Variants in RFX7 observed in about 807,000 individuals in gnomAD.
RFX7 encodes DNA-binding protein RFX7.
Under a neutral mutation model 111.8 loss-of-function variants are expected in RFX7, and 26 were observed. The ratio of observed to expected loss-of-function variants is 0.23; its 90% confidence interval spans 0.17 to 0.32. RFX7 has a LOEUF of 0.32. Among genes scored for constraint, RFX7 ranks in the 10% least tolerant of loss-of-function variants. The probability of loss-of-function intolerance (pLI) is 1.00; values close to 1 mark genes in which losing one functional copy is unlikely to be tolerated. For synonymous variants in RFX7, 624 were observed against 624.4 expected (o/e 1.00, Z 0.01); for missense variants, 1,573 against 1,772.9 (o/e 0.89, Z 2.02).
intron 3 of RFX7, among the ~76,000 whole-genome samples, chr15:56,175,955 C>T (rs891560943): frequency 1.3e-5 from 2 of 152,084 alleles, no homozygotes; most frequent in Non-Finnish European, 1.5e-5. Flanking sequence ...GACTACTGAA[C>T]TTTAGGTAGT....
intron 6 of RFX7, among the ~76,000 whole-genome samples, chr15:56,102,966 A>G (rs2041777517): frequency 6.6e-6 from 1 of 152,116 alleles, no homozygotes; most frequent in African/African-American, 2.4e-5. Context: ...AACTATAATG[A>G]ATTCTTAATT....
intron 5 of RFX7, among the ~76,000 whole-genome samples, chr15:56,128,112 T>C (rs539951441): frequency 2.8e-4 from 43 of 152,170 alleles, no homozygotes; most frequent in African/African-American, 8.7e-4. Flanking sequence ...GTAACAGAGA[T>C]TGAATTAGTA....
At chr15:56,241,584 G>A (rs2043689778) in intron 2 of RFX7, among the ~76,000 whole-genome samples, 1 of 152,090 alleles carries the variant, frequency 6.6e-6, no homozygotes, top group Middle Eastern at 3.2e-3. Context: ...GTTACTAGAG[G>A]TTAAAAACAC....
chr15:56,183,791 G>A (rs1341132905), intron 2 of RFX7, among the ~76,000 whole-genome samples: 6 of 151,988 alleles, frequency 3.9e-5, no homozygotes, highest in Admixed American at 3.9e-4. Flanking sequence ...CTGTATTAAT[G>A]TTATAGGTTG....
At chr15:56,112,346 T>C (rs1595934576) in intron 5 of RFX7, among the ~76,000 whole-genome samples, 1 of 135,188 alleles carries the variant, frequency 7.4e-6, no homozygotes, top group African/African-American at 2.8e-5. Context: ...CAGAATTTAT[T>C]TGGAACAGAA....
intron 2 of RFX7, among the ~76,000 whole-genome samples, chr15:56,181,655 T>C (rs140402628): frequency 6.6e-6 from 1 of 152,326 alleles, no homozygotes; most frequent in African/African-American, 2.4e-5. Context: ...TTATATAAAT[T>C]AGTATGAAAA....
intron 2 of RFX7, among the ~76,000 whole-genome samples, chr15:56,198,472 T>C (rs1264508619): frequency 6.6e-6 from 1 of 152,116 alleles, no homozygotes; most frequent in Admixed American, 6.5e-5. Context: ...TGCTGAAATA[T>C]TGAAACATAT....
chr15:56,225,147 A>G (rs963238173), intron 2 of RFX7, among the ~76,000 whole-genome samples: 8 of 152,310 alleles, frequency 5.3e-5, no homozygotes, highest in African/African-American at 1.2e-4. Context: ...CTGTAGTCCA[A>G]AACAGCCAAA....
Position 56,214,362 on chromosome 15 carries a change from G to A in RFX7, c.161+28763C>T, listed in dbSNP as rs536000812. Among the ~76,000 whole-genome samples the A allele has an allele frequency of 9.9e-4, 150 of 152,140 alleles. 4 individuals are homozygous for A. The highest frequency in any genetic ancestry group is 5.0e-3 in the South Asian group (24 of 4,816). Reference sequence around the variant, plus strand: ...TGCGATATTTATTTCAATGAACATGGAACATGTCTCCATTTATTTATGCCT... The same window carrying A: ...TGCGATATTTATTTCAATGAACATGAAACATGTCTCCATTTATTTATGCCT... On this transcript the variant is annotated intron_variant, in intron 2 of 9. Coordinates refer to ENST00000559447, the MANE Select transcript of RFX7 (RefSeq NM_022841.7).
chr15:56,114,017 T>A (rs2041972856), intron 5 of RFX7, among the ~76,000 whole-genome samples: 1 of 152,166 alleles, frequency 6.6e-6, no homozygotes, highest in South Asian at 2.1e-4. Flanking sequence ...GTGGAAAAGT[T>A]GTTGTAATCC....
intron 2 of RFX7, among the ~76,000 whole-genome samples, chr15:56,239,998 T>A (rs1324737049): frequency 1.2e-4 from 16 of 138,270 alleles, no homozygotes; most frequent in Non-Finnish European, 2.5e-4. Context: ...TTTTTTTTTT[T>A]TTTTTTTTGA....
intron 3 of RFX7, among the ~76,000 whole-genome samples, chr15:56,158,965 C>G (rs1396205206): frequency 2.6e-5 from 4 of 152,138 alleles, no homozygotes; most frequent in Non-Finnish European, 5.9e-5. Context: ...AACTGTGTAC[C>G]CTTTGATCAA....
intron 2 of RFX7, among the ~76,000 whole-genome samples, chr15:56,212,524 A>T (rs1408490014): frequency 6.6e-6 from 1 of 152,162 alleles, no homozygotes; most frequent in East Asian, 1.9e-4. Flanking sequence ...TACTGTGTCA[A>T]TGAAGGTAAA....
intron 2 of RFX7, among the ~76,000 whole-genome samples, chr15:56,196,064 T>C (rs1342977288): frequency 6.6e-6 from 1 of 152,198 alleles, no homozygotes; most frequent in Admixed American, 6.5e-5. Flanking sequence ...CTAGATCATA[T>C]TACACAAATG....
At chr15:56,217,541 C>T (rs2043375192) in intron 2 of RFX7, among the ~76,000 whole-genome samples, 1 of 151,458 alleles carries the variant, frequency 6.6e-6, no homozygotes, top group Admixed American at 6.6e-5. Flanking sequence ...AATGCATGTA[C>T]TATTATAAAA....
chr15:56,172,729 G>A (rs1272635527), intron 3 of RFX7, among the ~76,000 whole-genome samples: 1 of 152,182 alleles, frequency 6.6e-6, no homozygotes, highest in Non-Finnish European at 1.5e-5. Context: ...GAAGAGGCGA[G>A]TTTAGTAGCT....
In RFX7 at chr15:56,089,570, T is replaced by C. The variant is rs1433532114; in HGVS notation, c.*3775A>G. 2 of 152,156 alleles carry C rather than the reference T, an allele frequency of 1.3e-5. No homozygotes were observed. The highest frequency in any genetic ancestry group is 4.8e-5 in the African/African-American group (2 of 41,442). The allele number at this position is 152,156 out of a possible 1,614,324, so 9.4% of individuals were successfully genotyped here. The stretch of plus-strand genomic sequence containing the variant: ...CAGAATTTCTTACTGGTTGACTCTA[T>C]GCACTGGTTCTTATGTTTGCCTGCT... On this transcript the variant is annotated 3_prime_UTR_variant, in exon 10 of 10. Coordinates refer to ENST00000559447, the MANE Select transcript of RFX7 (RefSeq NM_022841.7).
At chr15:56,168,179 G>A (rs1356285495) in intron 3 of RFX7, among the ~76,000 whole-genome samples, 2 of 152,132 alleles carry the variant, frequency 1.3e-5, no homozygotes, top group Non-Finnish European at 2.9e-5. Context: ...TCTGCAAAAT[G>A]ACAATGATGA....
chr15:56,214,714 CAAAA>C (rs527416979), intron 2 of RFX7, among the ~76,000 whole-genome samples: 1 of 86,960 alleles, frequency 1.1e-5, no homozygotes, highest in Non-Finnish European at 2.3e-5. Flanking sequence ...GACTCTGTCT[CAAAA>C]AAAAAAAAAA....
Sources: gnomAD v4.1 joint callset for allele counts (sites outside exome capture counted in the v4.1 genomes callset) on GRCh38, gnomAD v4.1.1 for gene constraint, MANE v1.5 for transcripts, NCBI Gene and HGNC (gene_info 2026-07-23, HGNC 2026-07-21) for gene names.